The following ST8SIA4 variants were observed in gnomAD, a reference collection of about 807,000 sequenced individuals.
The protein encoded by ST8SIA4 is ST8 alpha-N-acetyl-neuraminide alpha-2,8-sialyltransferase 4, also known as CMP-N-acetylneuraminate-poly-alpha-2,8-sialyltransferase.
In ST8SIA4, 15 loss-of-function variants were observed where a neutral mutation model predicts 33.9. That is an observed-to-expected ratio of 0.44 (90% CI 0.30 to 0.68). The LOEUF is 0.68. Ranked by LOEUF, ST8SIA4 falls within the 30% of genes least tolerant of loss-of-function variation. The probability of loss-of-function intolerance (pLI) is 0.10; values close to 1 mark genes in which losing one functional copy is unlikely to be tolerated. For missense variants in ST8SIA4, 321 were observed against 428.0 expected (o/e 0.75, Z 2.21); for synonymous variants, 171 against 151.2 (o/e 1.13, Z -0.96).
intron 4 of ST8SIA4, among the ~76,000 whole-genome samples, chr5:100,827,354 C>T (rs1039692351): frequency 4.6e-5 from 7 of 152,122 alleles, no homozygotes; most frequent in African/African-American, 1.2e-4. Flanking sequence ...GTATGGCTTA[C>T]AAATGTTCCC....
At chr5:100,900,995 G>C (rs73777443) in intron 1 of ST8SIA4, among the ~76,000 whole-genome samples, 1 of 152,156 alleles carries the variant, frequency 6.6e-6, no homozygotes, top group Non-Finnish European at 1.5e-5. Context: ...AAAAGGATGC[G>C]GGCAAAAGCC....
At chr5:100,844,785 A>G (rs1408227837) in intron 4 of ST8SIA4, among the ~76,000 whole-genome samples, 1 of 152,008 alleles carries the variant, frequency 6.6e-6, no homozygotes, top group African/African-American at 2.4e-5. Flanking sequence ...CTTTAAAAAT[A>G]AGTTTATAGC....
Position 100,812,062 on chromosome 5 carries a change from T to G in ST8SIA4, c.865A>C (p.Thr289Pro). The G allele has an allele frequency of 6.2e-7, 1 of 1,614,154 alleles. No individual in the cohort carries two copies. Among genetic ancestry groups the G allele is most frequent in the Non-Finnish European group, 8.5e-7 (1 of 1,180,000 alleles). Reference sequence around the variant, plus strand: ...AGGTGAATTTCATCACAGAATCTTGTGGCAAGTGTATACATGAGAAGACCT... The same window carrying G: ...AGGTGAATTTCATCACAGAATCTTGGGGCAAGTGTATACATGAGAAGACCT... ...STGLLMYTLA[T>P]RFCDEIHLYG... The change falls in exon 5 of 5, where the codon ACA becomes CCA. Residue 289 changes from threonine to proline, a missense_variant. Thr to Pro is a conservative substitution (Grantham distance 38). Coordinates refer to ENST00000231461, the MANE Select transcript of ST8SIA4 (RefSeq NM_005668.6).
chr5:100,817,815 T>C (rs1263282007), intron 4 of ST8SIA4, among the ~76,000 whole-genome samples: 1 of 152,196 alleles, frequency 6.6e-6, no homozygotes, highest in Non-Finnish European at 1.5e-5. Flanking sequence ...AGACAATAAG[T>C]GATAGATCTT....
At chr5:100,874,899 T>G (rs553884006) in intron 3 of ST8SIA4, among the ~76,000 whole-genome samples, 1 of 152,290 alleles carries the variant, frequency 6.6e-6, no homozygotes, top group East Asian at 1.9e-4. Flanking sequence ...CTGTCATCTC[T>G]GTTTATCATC....
At chr5:100,849,057 A>T (rs1580460863) in intron 4 of ST8SIA4, 2 of 830,200 alleles carry the variant, frequency 2.4e-6, no homozygotes. Context: ...TTTAAAGAAG[A>T]AATACTTTAG....
chr5:100,883,844 A>G (rs1472238535), intron 3 of ST8SIA4, among the ~76,000 whole-genome samples: 1 of 152,208 alleles, frequency 6.6e-6, no homozygotes, highest in African/African-American at 2.4e-5. Context: ...AGCCATGTGG[A>G]ACTGTAAGTC....
At position 100,822,584 on chromosome 5, in the gene ST8SIA4, T is replaced by C. The variant is rs571575398; in HGVS notation, c.798-10455A>G. Among the ~76,000 whole-genome samples the C allele has an allele frequency of 5.3e-5, 8 of 152,314 alleles. No individual in the cohort carries two copies. The South Asian group carries it at 1.2e-3, about 24-fold the overall frequency. On this transcript the variant is annotated intron_variant, in intron 4 of 4. Coordinates refer to ENST00000231461, the MANE Select transcript of ST8SIA4 (RefSeq NM_005668.6). ...CGTACAAATAATAGTTCACTGTAAATTACGAATCAATATGTAAATGAAATT... is the reference window on the plus strand; with the variant it reads ...CGTACAAATAATAGTTCACTGTAAACTACGAATCAATATGTAAATGAAATT...
intron 4 of ST8SIA4, chr5:100,849,177 C>T (rs1186428365): frequency 2.3e-5 from 23 of 984,972 alleles, no homozygotes; most frequent in Non-Finnish European, 2.5e-5. Flanking sequence ...TTTTTTGTGA[C>T]AGTTTGAATA....
At position 100,886,351 on chromosome 5, in the gene ST8SIA4, A is replaced by G. The variant is rs751725192; in HGVS notation, c.495T>C (p.Phe165=). 3.7e-6 allele frequency: 6 copies of G among 1,613,208 alleles called. No individual in the cohort carries two copies. Among genetic ancestry groups the G allele is most frequent in the African/African-American group, 1.3e-5 (1 of 74,906 alleles). ...AGCAGAAGAAAGCTCACCTTATTAC[A>G]AAATTGTGACTGTCAATCTCCTTTC... ...ECGKEIDSHN[F]VIRCNLAPVV... The change falls in exon 3 of 5, where the codon TTT becomes TTC. Residue 165 remains phenylalanine (F), a synonymous_variant. Coordinates refer to ENST00000231461, the MANE Select transcript of ST8SIA4 (RefSeq NM_005668.6).
At chr5:100,838,723 G>T (rs4703126) in intron 4 of ST8SIA4, among the ~76,000 whole-genome samples, 35,264 of 151,838 alleles carry the variant, frequency 0.23, 5,136 homozygotes, top group Non-Finnish European at 0.32. Context: ...AAATGTTTCT[G>T]TGAATTCCAG....
Position 100,902,889 on chromosome 5 carries a change from T to C in ST8SIA4, c.67A>G (p.Lys23Glu). 1 of 1,614,222 alleles carries C rather than the reference T, an allele frequency of 6.2e-7. No homozygotes were observed. Among genetic ancestry groups the C allele is most frequent in the Non-Finnish European group, 8.5e-7 (1 of 1,180,050 alleles). Reference sequence around the variant, plus strand: ...TGCTCCTCAGTTCTTGCTATTTCTTTTGTCTTATAAAAGATCAGGAGCAGA... The same window carrying C: ...TGCTCCTCAGTTCTTGCTATTTCTTCTGTCTTATAAAAGATCAGGAGCAGA... The part of the protein sequence containing the change: ...ISLLLIFYKT[K>E]EIARTEEHQE... Residue 23 changes from lysine to glutamate, a missense_variant, in exon 1 of 5, where the codon AAA becomes GAA. Lys to Glu is a moderately conservative substitution (Grantham distance 56). Coordinates refer to ENST00000231461, the MANE Select transcript of ST8SIA4 (RefSeq NM_005668.6).
intron 4 of ST8SIA4, among the ~76,000 whole-genome samples, chr5:100,852,020 A>G: frequency 6.6e-6 from 1 of 151,630 alleles, no homozygotes; most frequent in East Asian, 1.9e-4. Context: ...ATAAATAAGA[A>G]GCTTTTATTT....
At position 100,807,041 on chromosome 5, in the gene ST8SIA4, CCA is replaced by C. The variant is rs750534852; in HGVS notation, c.*4804_*4805del. The C allele has an allele frequency of 6.6e-6, 1 of 151,950 alleles. No individual in the cohort carries two copies. Among genetic ancestry groups the C allele is most frequent in the Non-Finnish European group, 1.5e-5 (1 of 67,928 alleles). The allele number at this position is 151,950 out of a possible 1,614,324, so 9.4% of individuals were successfully genotyped here. A position where few individuals can be genotyped will look rare whatever the true frequency, so the allele number is the denominator to read the frequency against. Reference sequence around the variant, plus strand: ...GGGGTTTTTGACATTGTTCATATTCCCATGTATACACTTAAAAATAAATGGTT... The same window carrying C: ...GGGGTTTTTGACATTGTTCATATTCCTGTATACACTTAAAAATAAATGGTT... On this transcript the variant is annotated 3_prime_UTR_variant, in exon 5 of 5. Coordinates refer to ENST00000231461, the MANE Select transcript of ST8SIA4 (RefSeq NM_005668.6).
chr5:100,830,433 T>A (rs1346595317), intron 4 of ST8SIA4, among the ~76,000 whole-genome samples: 2 of 152,252 alleles, frequency 1.3e-5, no homozygotes. Context: ...TAATTAGTAC[T>A]GTAGTATTTA....
intron 4 of ST8SIA4, among the ~76,000 whole-genome samples, chr5:100,822,664 T>A (rs1363269732): frequency 6.6e-6 from 1 of 152,194 alleles, no homozygotes; most frequent in Non-Finnish European, 1.5e-5. Flanking sequence ...AATACCTATG[T>A]ACATGTGTCA....
intron 2 of ST8SIA4, among the ~76,000 whole-genome samples, chr5:100,889,203 T>G (rs1362792916): frequency 2.0e-5 from 3 of 151,954 alleles, no homozygotes; most frequent in Non-Finnish European, 4.4e-5. Context: ...TTGTATATAT[T>G]TATTGAGTAC....
At chr5:100,901,516 TAAC>T (rs1336610128) in intron 1 of ST8SIA4, among the ~76,000 whole-genome samples, 1 of 152,188 alleles carries the variant, frequency 6.6e-6, no homozygotes, top group Non-Finnish European at 1.5e-5. Flanking sequence ...CCTGCTTTTC[TAAC>T]AACTGAGCTA....
intron 4 of ST8SIA4, among the ~76,000 whole-genome samples, chr5:100,816,893 C>A (rs1750931371): frequency 6.6e-6 from 1 of 151,634 alleles, no homozygotes; most frequent in South Asian, 2.1e-4. Flanking sequence ...TTTGGTTCTT[C>A]CAGTCTGCAG....
Sources: gnomAD v4.1 joint callset for allele counts (sites outside exome capture counted in the v4.1 genomes callset) on GRCh38, gnomAD v4.1.1 for gene constraint, MANE v1.5 for transcripts, NCBI Gene and HGNC (gene_info 2026-07-23, HGNC 2026-07-21) for gene names.